Variants in CHAD observed in about 807,000 individuals in gnomAD.
The protein encoded by CHAD is cartilage leucine-rich protein.
A neutral mutation model predicts 24.0 loss-of-function variants in CHAD; 18 were observed. The ratio of observed to expected loss-of-function variants is 0.75; its 90% CI spans 0.52 to 1.11. The LOEUF is 1.11. CHAD is among the 50% of genes most tolerant of loss of function. CHAD has a pLI of 0.00. For synonymous variants in CHAD, 195 were observed against 211.6 expected, an observed-to-expected ratio of 0.92 and a Z score of 0.68; for missense variants, 440 against 467.2, an observed-to-expected ratio of 0.94 and a Z score of 0.54.
intron 1 of CHAD, among the ~76,000 whole-genome samples, chr17:50,467,349 C>T (rs1408533270): frequency 1.3e-5 from 2 of 152,200 alleles, no homozygotes; most frequent in African/African-American, 4.8e-5. Flanking sequence ...AGTGGTCTTG[C>T]CTTTGCCCCT....
intron 1 of CHAD, 106 bp downstream of exon 1, chr17:50,467,934 G>T: frequency 8.2e-7 from 1 of 1,215,984 alleles, no homozygotes; most frequent in Non-Finnish European, 1.1e-6. Context: ...TAGCCAGAGG[G>T]ACAGGGAACC....
intron 1 of CHAD, 118 bp from the exon 2 acceptor site, chr17:50,465,988 T>C (rs2032684188): frequency 2.7e-6 from 3 of 1,103,026 alleles, no homozygotes; most frequent in African/African-American, 1.5e-5. Context: ...CTTTGAGGAG[T>C]TTCCCAGTTT....
Position 50,468,729 on chromosome 17 carries a change from A to C in CHAD, c.85T>G (p.Cys29Gly). 1 of 1,610,604 alleles carries C rather than the reference A, an allele frequency of 6.2e-7. No homozygotes were observed. The highest frequency in any genetic ancestry group is 8.5e-7 in the Non-Finnish European group (1 of 1,179,522). ...ALAACPQNCH[C>G]HSDLQHVICD... is the part of the protein sequence containing the mutation. ...ATGACGTGCTGCAGGTCGCTGTGGC[A>C]GTGGCAGTTCTGGGGGCAGGCGGCC... Residue 29 changes from cysteine to glycine, a missense_variant, in exon 1 of 4, where the codon TGC becomes GGC. Physicochemically the swap from Cys to Gly is radical, Grantham distance 159. Coordinates refer to ENST00000508540, the MANE Select transcript of CHAD (RefSeq NM_001267.3).
At chr17:50,467,539 C>T (rs567217622) in intron 1 of CHAD, among the ~76,000 whole-genome samples, 2 of 152,288 alleles carry the variant, frequency 1.3e-5, no homozygotes, top group South Asian at 4.1e-4. Context: ...TCCCCTCACT[C>T]CCCAGTCCCC....
Position 50,466,891 on chromosome 17 carries a change from C to G in CHAD, c.775-1021G>C, listed in dbSNP as rs754567128. 1.1e-4 allele frequency among the ~76,000 whole-genome samples: 17 copies of G among 152,336 alleles called. No homozygotes were observed. In the South Asian group the frequency reaches 3.5e-3, roughly 32 times the overall value. Reference sequence around the variant, plus strand: ...GGCACTGGTGGGCCACAGGGGACTCCAACTTCAGCTGGGGAGAGGCAGGGC... The same window carrying G: ...GGCACTGGTGGGCCACAGGGGACTCGAACTTCAGCTGGGGAGAGGCAGGGC... On this transcript the variant is annotated intron_variant, in intron 1 of 3. Coordinates refer to ENST00000508540, the MANE Select transcript of CHAD (RefSeq NM_001267.3).
chr17:50,465,950 G>T, intron 1 of CHAD, 80 bp from the exon 2 acceptor site: 1 of 1,527,762 alleles, frequency 6.5e-7, no homozygotes, highest in Non-Finnish European at 9.0e-7. Context: ...AGAGGGGCAG[G>T]ATCCTTCCCT....
chr17:50,468,160 T>C lies in CHAD; in HGVS notation c.654A>G (p.Leu218=). The C allele has an allele frequency of 6.2e-7, 1 of 1,614,198 alleles. No homozygotes were observed. The change falls in exon 1 of 4, where the codon CTA becomes CTG. Residue 218 remains leucine (L), a synonymous_variant. Coordinates refer to ENST00000508540, the MANE Select transcript of CHAD (RefSeq NM_001267.3). ...ACAGCTTCAGCTCCTCCACCACCCGTAGCTTGCTCAGGGCAGCTGAGGGGT... is the reference window on the plus strand; with the variant it reads ...ACAGCTTCAGCTCCTCCACCACCCGCAGCTTGCTCAGGGCAGCTGAGGGGT... ...SSYPSAALSK[L]RVVEELKLSH... is the part of the protein sequence containing the mutation.
rs1444617747 is a variant in CHAD at position 50,464,553 on chromosome 17, G to A, written c.*501C>T. On this transcript the variant is annotated 3_prime_UTR_variant, in exon 4 of 4. Transcript: ENST00000508540. Reference sequence around the variant, plus strand: ...ATCTCAGGAAGAAATTGCAGCATGGGAAGATGGACAGCAAAGCACCGATGT... The same window carrying A: ...ATCTCAGGAAGAAATTGCAGCATGGAAAGATGGACAGCAAAGCACCGATGT... The A allele has an allele frequency of 1.6e-6, 1 of 626,762 alleles. No homozygotes were observed. Among genetic ancestry groups the A allele is most frequent in the East Asian group, 3.3e-5 (1 of 30,098 alleles). The allele number at this position is 626,762 out of a possible 1,614,324, so 38.8% of individuals were successfully genotyped here.
intron 1 of CHAD, among the ~76,000 whole-genome samples, chr17:50,467,255 G>A (rs2032793286): frequency 6.6e-6 from 1 of 152,204 alleles, no homozygotes. Context: ...GAGGGCAAAG[G>A]GCAGTTAGCA....
In CHAD at chr17:50,468,570, G is replaced by C. The variant is rs1304246041; in HGVS notation, c.244C>G (p.Leu82Val). The C allele has an allele frequency of 1.2e-6, 2 of 1,614,120 alleles. No individual in the cohort carries two copies. Among genetic ancestry groups the C allele is most frequent in the Non-Finnish European group, 1.7e-6 (2 of 1,180,026 alleles). Reference protein sequence around the residue: ...RAMPNLVSLHLQHCQIREVAA... With the variant: ...RAMPNLVSLHVQHCQIREVAA... ...ACCTCGCGGATCTGGCAGTGCTGCA[G>C]GTGCAATGACACGAGGTTCGGCATG... The change falls in exon 1 of 4, where the codon CTG becomes GTG. Residue 82 changes from leucine to valine, a missense_variant. Transcript: ENST00000508540.
chr17:50,465,933 G>T, intron 1 of CHAD, 63 bp from the exon 2 acceptor site: 2 of 1,584,208 alleles, frequency 1.3e-6, no homozygotes, highest in Admixed American at 3.3e-5. Context: ...GTAAGCACCC[G>T]AGTGCCAGAG....
chr17:50,465,760 G>A lies in CHAD; in HGVS notation c.885C>T (p.Leu295=), dbSNP rs766176592. The A allele has an allele frequency of 3.7e-5, 60 of 1,613,804 alleles. No homozygotes were observed. The highest frequency in any genetic ancestry group is 5.3e-5 in the African/African-American group (4 of 74,790). ...SNFPFDSLET[L]ALTNNPWKCT... ...ACTTCCAGGGGTTATTGGTAAGGGCGAGGGTCTCCAGGCTGTCGAAGGGGA... is the reference window on the plus strand; with the variant it reads ...ACTTCCAGGGGTTATTGGTAAGGGCAAGGGTCTCCAGGCTGTCGAAGGGGA... The change falls in exon 2 of 4, where the codon CTC becomes CTT. Residue 295 remains leucine, a synonymous_variant. Coordinates refer to ENST00000508540, the MANE Select transcript of CHAD (RefSeq NM_001267.3).
At position 50,468,453 on chromosome 17, in the gene CHAD, C is replaced by G; in HGVS notation, c.361G>C (p.Asp121His). The change falls in exon 1 of 4, where the codon GAC becomes CAC. Residue 121 changes from aspartate (D) to histidine (H), a missense_variant. Coordinates refer to ENST00000508540, the MANE Select transcript of CHAD (RefSeq NM_001267.3). Reference sequence around the variant, plus strand: ...TAGAGGTAGGTCAGCTCGGTCAGGTCGTCGAAGGCACCTGCGCGCAGCACG... The same window carrying G: ...TAGAGGTAGGTCAGCTCGGTCAGGTGGTCGAAGGCACCTGCGCGCAGCACG... ...IRVLRAGAFD[D>H]LTELTYLYLD... 6.2e-7 allele frequency: 1 copy of G among 1,614,234 alleles called. No individual in the cohort carries two copies. The highest frequency in any genetic ancestry group is 8.5e-7 in the Non-Finnish European group (1 of 1,180,038).
In CHAD at chr17:50,468,348, T is replaced by C. The variant is rs2032881910; in HGVS notation, c.466A>G (p.Asn156Asp). The stretch of plus-strand genomic sequence containing the variant: ...GCGCGCAGCTCACGGATCTTGTTGT[T>C]GTTGAGCTGCAAGATGAAGAGGTTG... ...LVNLFILQLN[N>D]NKIRELRAGA... The change falls in exon 1 of 4, where the codon AAC becomes GAC. Residue 156 changes from asparagine to aspartate, a missense_variant. Coordinates refer to ENST00000508540, the MANE Select transcript of CHAD (RefSeq NM_001267.3). 1 of 1,613,906 alleles carries C rather than the reference T, an allele frequency of 6.2e-7. No homozygotes were observed. The highest frequency in any genetic ancestry group is 8.5e-7 in the Non-Finnish European group (1 of 1,179,950).
chr17:50,466,423 C>T (rs544585614), intron 1 of CHAD, among the ~76,000 whole-genome samples: 11 of 152,284 alleles, frequency 7.2e-5, no homozygotes, highest in African/African-American at 2.4e-4. Flanking sequence ...AATGGGGAAA[C>T]GGAAAAAGCG....
intron 1 of CHAD, among the ~76,000 whole-genome samples, chr17:50,467,683 G>A (rs891793048): frequency 6.6e-6 from 1 of 152,202 alleles, no homozygotes; most frequent in Admixed American, 6.5e-5. Context: ...TACTGGAGAC[G>A]GGAAAAACAG....
intron 1 of CHAD, among the ~76,000 whole-genome samples, chr17:50,467,081 AC>A (rs2032780597): frequency 6.6e-6 from 1 of 152,128 alleles, no homozygotes; most frequent in Non-Finnish European, 1.5e-5. Flanking sequence ...TTGGTTCCCC[AC>A]CCAAACCTCC....
Position 50,468,561 on chromosome 17 carries a change from AGT to A in CHAD, c.251_252del (p.His84LeufsTer25), listed in dbSNP as rs2032905996. On this transcript the variant is annotated frameshift_variant, in exon 1 of 4. Transcript: ENST00000508540. LOFTEE classifies it high-confidence loss of function. Reference protein sequence around the residue: ...MPNLVSLHLQHCQIREVAAGA... With the variant: ...MPNLVSLHLQXCQIREVAAGA... ...CCGGCGGCCACCTCGCGGATCTGGC[AGT>A]GCTGCAGGTGCAATGACACGAGGTT... 1.2e-6 allele frequency: 2 copies of A among 1,614,134 alleles called. No homozygotes were observed. The highest frequency in any genetic ancestry group is 2.7e-5 in the African/African-American group (2 of 74,962).
chr17:50,466,640 G>C (rs2032749431), intron 1 of CHAD, among the ~76,000 whole-genome samples: 1 of 152,214 alleles, frequency 6.6e-6, no homozygotes, highest in South Asian at 2.1e-4. Context: ...CACAGTCCCA[G>C]GGTCCCAGGA....
Sources: gnomAD v4.1 joint callset for allele counts (sites outside exome capture counted in the v4.1 genomes callset) on GRCh38, gnomAD v4.1.1 for gene constraint, MANE v1.5 for transcripts, NCBI Gene and HGNC (gene_info 2026-07-23, HGNC 2026-07-21) for gene names.